The following ARSB variants were observed in gnomAD, a reference collection of about 807,000 sequenced individuals.
ARSB encodes the protein N-acetylgalactosamine-4-sulfatase.
A neutral mutation model predicts 50.9 loss-of-function variants in ARSB; 41 were observed. That is an observed-to-expected ratio of 0.81 (90% CI 0.63 to 1.04). ARSB has a LOEUF of 1.04. Among genes scored for constraint, ARSB ranks in the 50% least tolerant of loss-of-function variants. The pLI is 0.00. For missense variants in ARSB, 672 were observed against 693.3 expected (o/e 0.97, Z 0.35); for synonymous variants, 269 against 284.8 (o/e 0.94, Z 0.56).
Position 78,780,565 on chromosome 5 carries a change from AT to A in ARSB, c.1433del (p.Asp478ValfsTer96), listed in dbSNP as rs1188297697. On this transcript the variant is annotated frameshift_variant, in exon 8 of 8. Transcript: ENST00000264914. LOFTEE classifies it high-confidence loss of function. Reference sequence around the variant, plus strand: ...GGTCATGTCTTTCTTCAGGGTCCCGATCAATATCAAAGAGCCAGAGGGTCTT... The same window carrying A: ...GGTCATGTCTTTCTTCAGGGTCCCGACAATATCAAAGAGCCAGAGGGTCTT... ...PTKTLWLFDI[D>X]RDPEERHDLS... The A allele has an allele frequency of 1.9e-6, 3 of 1,613,980 alleles. No individual in the cohort carries two copies. The African/African-American group carries it at 4.0e-5, about 22-fold the overall frequency.
chr5:78,979,588 G>A (rs1192537605), intron 1 of ARSB, among the ~76,000 whole-genome samples: 1 of 152,184 alleles, frequency 6.6e-6, no homozygotes, highest in Non-Finnish European at 1.5e-5. Context: ...ATTCAAACGG[G>A]CAATGAGGGA....
At chr5:78,847,622 G>C (rs1490737958) in intron 5 of ARSB, among the ~76,000 whole-genome samples, 1 of 152,200 alleles carries the variant, frequency 6.6e-6, no homozygotes, top group Non-Finnish European at 1.5e-5. Flanking sequence ...TTTTCTGGAA[G>C]AGTTTGAGAA....
intron 6 of ARSB, among the ~76,000 whole-genome samples, chr5:78,795,229 C>T (rs2112636894): frequency 6.6e-6 from 1 of 152,332 alleles, no homozygotes; most frequent in Admixed American, 6.5e-5. Context: ...TATGCAGCTG[C>T]CCAGCAGAGG....
At chr5:78,972,752 T>C (rs1335101667) in intron 1 of ARSB, among the ~76,000 whole-genome samples, 1 of 152,208 alleles carries the variant, frequency 6.6e-6, no homozygotes, top group Non-Finnish European at 1.5e-5. Context: ...ATCCATCACA[T>C]GCAGAGAATT....
chr5:78,821,871 G>A lies in ARSB; in HGVS notation c.1213+17485C>T, dbSNP rs187021827. Among the ~76,000 whole-genome samples, 98 of 152,294 alleles carry A rather than the reference G, an allele frequency of 6.4e-4. No individual in the cohort carries two copies. The Middle Eastern group carries it at 0.014, about 21-fold the overall frequency. On this transcript the variant is annotated intron_variant, in intron 6 of 7. Coordinates refer to ENST00000264914, the MANE Select transcript of ARSB (RefSeq NM_000046.5). ...AGCTTTCTCTAACTAAACTGCTGAT[G>A]CCATTATGGAAACTGTCACTCTTCA...
intron 4 of ARSB, among the ~76,000 whole-genome samples, chr5:78,913,810 A>G (rs1749419191): frequency 6.6e-6 from 1 of 152,162 alleles, no homozygotes; most frequent in Non-Finnish European, 1.5e-5. Context: ...CACCTCAATA[A>G]TGATTTCTTA....
intron 4 of ARSB, among the ~76,000 whole-genome samples, chr5:78,922,645 G>A (rs1187674637): frequency 1.3e-5 from 2 of 150,774 alleles, no homozygotes; most frequent in Non-Finnish European, 1.5e-5. Flanking sequence ...CCTATAAGGA[G>A]GGATGTCTTC....
At chr5:78,938,728 GA>G (rs536976574) in intron 4 of ARSB, among the ~76,000 whole-genome samples, 10 of 152,198 alleles carry the variant, frequency 6.6e-5, no homozygotes, top group Non-Finnish European at 1.5e-4. Context: ...TATGTAAGGG[GA>G]AAAGGGACGT....
chr5:78,971,274 C>T (rs1752442915), intron 1 of ARSB, among the ~76,000 whole-genome samples: 1 of 152,302 alleles, frequency 6.6e-6, no homozygotes, highest in East Asian at 1.9e-4. Flanking sequence ...CCTCCTGCCT[C>T]CTTGTCCTGG....
At chr5:78,838,995 G>T (rs1745069619) in intron 6 of ARSB, among the ~76,000 whole-genome samples, 4 of 152,178 alleles carry the variant, frequency 2.6e-5, no homozygotes, top group Admixed American at 2.6e-4. Flanking sequence ...TCTGGAAGGT[G>T]GCTCTGGAGC....
chr5:78,800,812 G>GAAAGT lies in ARSB; in HGVS notation c.1214-18843_1214-18839dup, dbSNP rs938165667. ...TAAGCACTACAGAACTCCAGAGATGGAAAGTCTATTTCTGGTTGGTTGGAG... is the reference window on the plus strand; with the variant it reads ...TAAGCACTACAGAACTCCAGAGATGGAAAGTAAAGTCTATTTCTGGTTGGTTGGAG... On this transcript the variant is annotated intron_variant, in intron 6 of 7. Coordinates refer to ENST00000264914, the MANE Select transcript of ARSB (RefSeq NM_000046.5). Among the ~76,000 whole-genome samples, 46 of 152,264 alleles carry GAAAGT rather than the reference G, an allele frequency of 3.0e-4. 1 individual carries two copies. Among genetic ancestry groups the GAAAGT allele is most frequent in the African/African-American group, 1.1e-3 (44 of 41,562 alleles).
chr5:78,887,308 G>A (rs1016429614), intron 4 of ARSB, among the ~76,000 whole-genome samples: 1 of 152,100 alleles, frequency 6.6e-6, no homozygotes, highest in Non-Finnish European at 1.5e-5. Flanking sequence ...AGAGCAGGAA[G>A]AGCCTCACTT....
rs77080546 is a variant in ARSB, at chr5:78,814,615, T to A, written c.1213+24741A>T. On this transcript the variant is annotated intron_variant, in intron 6 of 7. Coordinates refer to ENST00000264914, the MANE Select transcript of ARSB (RefSeq NM_000046.5). The stretch of plus-strand genomic sequence containing the variant: ...CCTAATATGTCACTGGTTCATCATT[T>A]TCTCTGTTACTCACTTGCTTCTGTA... Among the ~76,000 whole-genome samples the A allele has an allele frequency of 9.3e-3, 1,397 of 150,996 alleles. 98 individuals are homozygous for A. The highest frequency in any genetic ancestry group is 0.033 in the African/African-American group (1,327 of 40,786).
Position 78,908,142 on chromosome 5 carries a change from C to T in ARSB, c.899-22315G>A, listed in dbSNP as rs532319049. On this transcript the variant is annotated intron_variant, in intron 4 of 7. Coordinates refer to ENST00000264914, the MANE Select transcript of ARSB (RefSeq NM_000046.5). ...TGGAATGAGGTGTGCGCAGATGCAA[C>T]GTTATTGCTCACCTGGCCCATCAGA... 2.6e-5 allele frequency among the ~76,000 whole-genome samples: 4 copies of T among 152,206 alleles called. No homozygotes were observed. The South Asian group carries it at 8.3e-4, about 32-fold the overall frequency.
intron 5 of ARSB, among the ~76,000 whole-genome samples, chr5:78,851,491 A>G (rs1745780696): frequency 6.6e-6 from 1 of 152,030 alleles, no homozygotes; most frequent in Admixed American, 6.6e-5. Flanking sequence ...TATGTGGTCA[A>G]TTTTGGAATA....
chr5:78,900,663 T>C lies in ARSB; in HGVS notation c.899-14836A>G, dbSNP rs1748762257. ...CTATATATTTGTTTTTGGTCTTCTA[T>C]TGAGGGATTGAAGCTGGCTTGCTTC... On this transcript the variant is annotated intron_variant, in intron 4 of 7. Transcript: ENST00000264914. 2.0e-5 allele frequency among the ~76,000 whole-genome samples: 3 copies of C among 152,282 alleles called. No homozygotes were observed. In the South Asian group the frequency reaches 6.2e-4, roughly 32 times the overall value.
At chr5:78,964,748 A>C in intron 2 of ARSB, 142 bp from the exon 3 acceptor site, 9 of 803,438 alleles carry the variant, frequency 1.1e-5, no homozygotes, top group Non-Finnish European at 1.9e-5. Context: ...ACCATTTCTC[A>C]ACATGTCTAT....
intron 6 of ARSB, among the ~76,000 whole-genome samples, chr5:78,818,983 A>C (rs554417390): frequency 6.6e-6 from 1 of 151,964 alleles, no homozygotes; most frequent in East Asian, 1.9e-4. Flanking sequence ...TGATCTTTAC[A>C]CTTCCCTGGG....
At chr5:78,893,340 C>T (rs1223293218) in intron 4 of ARSB, among the ~76,000 whole-genome samples, 1 of 151,850 alleles carries the variant, frequency 6.6e-6, no homozygotes, top group Non-Finnish European at 1.5e-5. Flanking sequence ...GATGTAGCCA[C>T]CAAAAGATGT....
Sources: gnomAD v4.1 joint callset for allele counts (sites outside exome capture counted in the v4.1 genomes callset) on GRCh38, gnomAD v4.1.1 for gene constraint, MANE v1.5 for transcripts, NCBI Gene and HGNC (gene_info 2026-07-23, HGNC 2026-07-21) for gene names.